The following DPH1 variants were observed in gnomAD, a reference collection of about 807,000 sequenced individuals.
DPH1 encodes the protein 2-(3-amino-3-carboxypropyl)histidine synthase subunit 1.
A neutral mutation model predicts 55.3 loss-of-function variants in DPH1; 59 were observed. That is an observed-to-expected ratio of 1.07 (90% confidence interval 0.87 to 1.33). DPH1 has a LOEUF of 1.33. DPH1 is among the 40% of genes most tolerant of loss of function. DPH1 has a pLI of 0.00. For missense variants in DPH1, 628 were observed against 584.8 expected (o/e 1.07, Z -0.76); for synonymous variants, 238 against 235.5 (o/e 1.01, Z -0.10).
At chr17:2,030,503 G>C (rs1301617378) in intron 1 of DPH1, among the ~76,000 whole-genome samples, 1 of 152,176 alleles carries the variant, frequency 6.6e-6, no homozygotes, top group Non-Finnish European at 1.5e-5. Context: ...GGATAAAATG[G>C]ACTCGACGGG....
At chr17:2,035,597 C>T (rs2067410584) in intron 3 of DPH1, among the ~76,000 whole-genome samples, 1 of 148,882 alleles carries the variant, frequency 6.7e-6, no homozygotes, top group Non-Finnish European at 1.5e-5. Context: ...CCACAGCACT[C>T]AGCGCGGGAG....
intron 3 of DPH1, 69 bp downstream of exon 3, chr17:2,033,911 T>G (rs1597276062): frequency 4.1e-5 from 63 of 1,522,074 alleles, no homozygotes; most frequent in Non-Finnish European, 5.0e-5. Flanking sequence ...ATTACCCGGG[T>G]GGGTAAAGCC....
At position 2,040,497 on chromosome 17, in the gene DPH1, C is replaced by T; in HGVS notation, c.907-8C>T. The T allele has an allele frequency of 6.2e-7, 1 of 1,614,178 alleles. No individual in the cohort carries two copies. The highest frequency in any genetic ancestry group is 1.3e-5 in the African/African-American group (1 of 75,062). ...GGTGACCCCCACCCTGCCTCCCTCT[C>T]CCAACAGCACCTGGAATCTCGACTC... On this transcript the variant is annotated splice_region_variant and splice_polypyrimidine_tract_variant and intron_variant, in intron 8 of 12. Coordinates refer to ENST00000263083, the MANE Select transcript of DPH1 (RefSeq NM_001383.6).
intron 12 of DPH1, chr17:2,042,289 C>G: frequency 7.2e-7 from 1 of 1,398,236 alleles, no homozygotes; most frequent in Non-Finnish European, 9.2e-7. Flanking sequence ...TTTCGTCCCC[C>G]TCGACACCCT....
rs1047358654 is a variant in DPH1, at chr17:2,043,421, T to C, written c.*835T>C. The C allele has an allele frequency of 6.9e-6, 2 of 289,644 alleles. No homozygotes were observed. Among genetic ancestry groups the C allele is most frequent in the South Asian group, 1.6e-4 (2 of 12,256 alleles). The allele number at this position is 289,644 out of a possible 1,614,324, so 17.9% of individuals were successfully genotyped here. On this transcript the variant is annotated 3_prime_UTR_variant, in exon 13 of 13. Coordinates refer to ENST00000263083, the MANE Select transcript of DPH1 (RefSeq NM_001383.6). ...GACTGCCACATAATAAAGTGGTGATTTGGATTTTGAGCATCTTTTTCCTGG... is the reference window on the plus strand; with the variant it reads ...GACTGCCACATAATAAAGTGGTGATCTGGATTTTGAGCATCTTTTTCCTGG...
chr17:2,030,378 G>C (rs573155253), intron 1 of DPH1, 148 bp downstream of exon 1: 2 of 1,004,000 alleles, frequency 2.0e-6, no homozygotes, highest in African/African-American at 1.7e-5. Flanking sequence ...TCACCAGCTC[G>C]GGGTCGCTGT....
At chr17:2,035,288 A>G (rs1478480416) in intron 3 of DPH1, among the ~76,000 whole-genome samples, 1 of 149,706 alleles carries the variant, frequency 6.7e-6, no homozygotes, top group African/African-American at 2.4e-5. Flanking sequence ...TTCCCACGGC[A>G]GTGTTCTGGC....
chr17:2,031,820 T>C (rs1365768130), intron 1 of DPH1, among the ~76,000 whole-genome samples: 2 of 152,082 alleles, frequency 1.3e-5, no homozygotes, highest in Non-Finnish European at 2.9e-5. Flanking sequence ...AGAGTAAGAG[T>C]TGCAGTTTGC....
chr17:2,041,993 CT>C, intron 12 of DPH1, 118 bp downstream of exon 12: 1 of 1,489,876 alleles, frequency 6.7e-7, no homozygotes, highest in Non-Finnish European at 8.9e-7. Flanking sequence ...GTGCATTGTG[CT>C]TCCGCTCGGG....
At chr17:2,039,342 T>A (rs1042436493) in intron 6 of DPH1, 2 of 168,610 alleles carry the variant, frequency 1.2e-5, no homozygotes, top group African/African-American at 4.9e-5. Flanking sequence ...ATTACAGGCA[T>A]GAGCCACTGC....
intron 9 of DPH1, 58 bp from the exon 10 acceptor site, chr17:2,041,045 A>C (rs1415721081): frequency 1.3e-6 from 2 of 1,526,992 alleles, no homozygotes; most frequent in African/African-American, 2.7e-5. Context: ...GTTCTTCAGC[A>C]TGCTGCCTGG....
chr17:2,037,280 T>G, intron 6 of DPH1: 1 of 206,406 alleles, frequency 4.8e-6, no homozygotes, highest in Non-Finnish European at 9.7e-6. Flanking sequence ...CCCATTAATT[T>G]ACCATCCGGA....
rs2067579157 is a variant in DPH1, at chr17:2,043,220, T to TAAGAGACAACTATC, written c.*637_*650dup. The TAAGAGACAACTATC allele has an allele frequency of 2.3e-6, 3 of 1,276,922 alleles. No homozygotes were observed. The Admixed American group carries it at 6.8e-5, about 29-fold the overall frequency. 79.1% of individuals were successfully genotyped at this position (1,276,922 alleles called of 1,614,324 possible). On this transcript the variant is annotated 3_prime_UTR_variant, in exon 13 of 13. Coordinates refer to ENST00000263083, the MANE Select transcript of DPH1 (RefSeq NM_001383.6). ...GTGAGTGCGCCTCACCAGAACCAGTTAAGAGACAACTATCAATTCTTGAGA... is the reference window on the plus strand; with the variant it reads ...GTGAGTGCGCCTCACCAGAACCAGTTAAGAGACAACTATCAAGAGACAACTATCAATTCTTGAGA...
chr17:2,032,719 C>T (rs771839249), intron 1 of DPH1, among the ~76,000 whole-genome samples: 4 of 152,264 alleles, frequency 2.6e-5, no homozygotes, highest in Non-Finnish European at 5.9e-5. Context: ...TTCCTGATGG[C>T]TTACAAGCAA....
In DPH1 at chr17:2,042,909, G is replaced by T. The variant is rs769274661; in HGVS notation, c.*323G>T. The T allele has an allele frequency of 6.2e-7, 1 of 1,614,182 alleles. No individual in the cohort carries two copies. The highest frequency in any genetic ancestry group is 8.5e-7 in the Non-Finnish European group (1 of 1,180,042). On this transcript the variant is annotated 3_prime_UTR_variant, in exon 13 of 13. Coordinates refer to ENST00000263083, the MANE Select transcript of DPH1 (RefSeq NM_001383.6). Reference sequence around the variant, plus strand: ...GCATTGGGTTCAAGGAATCCATCCTGCAAAGGCCCTTGTCATTGCCTTCGC... The same window carrying T: ...GCATTGGGTTCAAGGAATCCATCCTTCAAAGGCCCTTGTCATTGCCTTCGC...
Position 2,041,757 on chromosome 17 carries a change from T to C in DPH1, c.1228-11T>C, listed in dbSNP as rs563174255. On this transcript the variant is annotated splice_polypyrimidine_tract_variant and intron_variant, in intron 11 of 12. Coordinates refer to ENST00000263083, the MANE Select transcript of DPH1 (RefSeq NM_001383.6). ...CAGGAGCGAGACCCTAACCAAAGTC[T>C]GCGACCTCAGGTGCAGGAGGGGTCC... 38 of 1,600,602 alleles carry C rather than the reference T, an allele frequency of 2.4e-5. No homozygotes were observed. In the East Asian group the frequency reaches 7.9e-4, roughly 33 times the overall value.
rs2067484810 is a variant in DPH1 at position 2,039,774 on chromosome 17, T to C, written c.700T>C (p.Phe234Leu). ...EAVVYLGDGRFHLESVMIANP... is the reference protein window; with the variant it reads ...EAVVYLGDGRLHLESVMIANP... Reference sequence around the variant, plus strand: ...CTGCAGGTATCTTGGAGATGGCCGCTTCCATCTGGAGTCTGTCATGATTGC... The same window carrying C: ...CTGCAGGTATCTTGGAGATGGCCGCCTCCATCTGGAGTCTGTCATGATTGC... Residue 234 changes from phenylalanine to leucine, a missense_variant, in exon 7 of 13, where the codon TTC (phenylalanine) becomes CTC (leucine). Coordinates refer to ENST00000263083, the MANE Select transcript of DPH1 (RefSeq NM_001383.6). 11 of 1,614,170 alleles carry C rather than the reference T, an allele frequency of 6.8e-6. No homozygotes were observed. The highest frequency in any genetic ancestry group is 9.3e-6 in the Non-Finnish European group (11 of 1,180,022).
intron 11 of DPH1, 22 bp from the exon 12 acceptor site, chr17:2,041,746 T>C (rs775953343): frequency 6.3e-7 from 1 of 1,596,160 alleles, no homozygotes; most frequent in South Asian, 1.1e-5. Context: ...AGCGAGACCC[T>C]AACCAAAGTC....
chr17:2,036,086 G>T lies in DPH1; in HGVS notation c.395G>T (p.Cys132Phe), dbSNP rs752616074. 5 of 1,613,864 alleles carry T rather than the reference G, an allele frequency of 3.1e-6. No homozygotes were observed. In the South Asian group the frequency reaches 5.5e-5, roughly 18 times the overall value. The change falls in exon 4 of 13, where the codon TGC (cysteine) becomes TTC (phenylalanine). Residue 132 changes from cysteine (C) to phenylalanine (F), a missense_variant. Cys to Phe is a radical substitution (Grantham distance 205). Transcript: ENST00000263083. This position sits in a 1 kb window ranked among gnomAD's most constrained non-coding sequence, Gnocchi z 4.8. ...ADFLVHYGHS[C>F]LIPMDTSAQD... ...TTCTTGGTGCACTACGGCCACAGTT[G>T]CCTGAGTATGGTGGGGCCAGGACAC... is the stretch of plus-strand genomic sequence containing the variant.
Sources: allele counts gnomAD v4.1 joint callset (sites outside exome capture counted in the v4.1 genomes callset), GRCh38; gene constraint gnomAD v4.1.1; non-coding constraint Gnocchi (gnomAD v3.1); transcripts MANE v1.5; gene names NCBI Gene and HGNC (gene_info 2026-07-23, HGNC 2026-07-21).